EXOC6B: variants seen among roughly 807,000 people sequenced by gnomAD.
The protein encoded by EXOC6B is exocyst complex component 6B.
EXOC6B carries 54 observed loss-of-function variants against 113.5 expected under a neutral mutation model. That is an observed-to-expected ratio of 0.48 (90% confidence interval 0.38 to 0.60). The LOEUF is 0.60. EXOC6B is among the 20% of genes least tolerant of loss of function. EXOC6B has a pLI of 0.00. For missense variants in EXOC6B, 797 were observed against 977.5 expected, an observed-to-expected ratio of 0.82 and a Z score of 2.46; for synonymous variants, 357 against 339.0, an observed-to-expected ratio of 1.05 and a Z score of -0.58.
chr2:72,198,805 G>C (rs895368760), intron 20 of EXOC6B, among the ~76,000 whole-genome samples: 4 of 152,170 alleles, frequency 2.6e-5, no homozygotes, highest in Non-Finnish European at 5.9e-5. Context: ...AGCTATGCCA[G>C]TACTTACACA....
At chr2:72,516,241 C>A (rs1461042075) in intron 8 of EXOC6B, among the ~76,000 whole-genome samples, 1 of 151,906 alleles carries the variant, frequency 6.6e-6, no homozygotes, top group Non-Finnish European at 1.5e-5. Flanking sequence ...AATTCTTCTA[C>A]TTTTATTTTT....
intron 20 of EXOC6B, among the ~76,000 whole-genome samples, chr2:72,264,077 A>G (rs971526861): frequency 6.6e-6 from 1 of 152,200 alleles, no homozygotes; most frequent in African/African-American, 2.4e-5. Context: ...TGTATAAAAA[A>G]GGATAATGAA....
chr2:72,406,233 G>A (rs904012906), intron 18 of EXOC6B, among the ~76,000 whole-genome samples: 1 of 152,094 alleles, frequency 6.6e-6, no homozygotes, highest in African/African-American at 2.4e-5. Flanking sequence ...AAGAGACTTA[G>A]ACTCCCACAC....
chr2:72,422,483 G>T (rs1694949665), intron 18 of EXOC6B, among the ~76,000 whole-genome samples: 1 of 151,078 alleles, frequency 6.6e-6, no homozygotes, highest in South Asian at 2.1e-4. Context: ...AGCACCCTGT[G>T]TCTAGCTCAA....
intron 1 of EXOC6B, among the ~76,000 whole-genome samples, chr2:72,743,672 T>C (rs1196467352): frequency 6.6e-6 from 1 of 152,190 alleles, no homozygotes; most frequent in African/African-American, 2.4e-5. Flanking sequence ...GCCAGACAGG[T>C]AGTAGACAAT....
rs1680617109 is a variant in EXOC6B, at chr2:72,731,155, C to G, written c.418G>C (p.Val140Leu). 1.2e-6 allele frequency: 2 copies of G among 1,611,822 alleles called. No homozygotes were observed. Among genetic ancestry groups the G allele is most frequent in the South Asian group, 1.1e-5 (1 of 90,634 alleles). The change falls in exon 4 of 22, where the codon GTC becomes CTC. Residue 140 changes from valine to leucine, a missense_variant and splice_region_variant. By Grantham distance (32) the Val-to-Leu change is conservative. Coordinates refer to ENST00000272427, the MANE Select transcript of EXOC6B (RefSeq NM_015189.3). ...TCCTTCTCCATTTCCAGTTCCTCAC[C>G]TGGAAGACACAGCATTAATTTATCA... ...TVDKLMLCLP[V>L]LEMYSKLRDQ...
chr2:72,396,749 C>G (rs1573025003), intron 18 of EXOC6B, among the ~76,000 whole-genome samples: 1 of 151,998 alleles, frequency 6.6e-6, no homozygotes, highest in East Asian at 1.9e-4. Flanking sequence ...GCTACTCAGC[C>G]TCTTTCCTAT....
chr2:72,683,942 A>C (rs2104557133), intron 6 of EXOC6B, among the ~76,000 whole-genome samples: 1 of 152,084 alleles, frequency 6.6e-6, no homozygotes, highest in South Asian at 2.1e-4. Context: ...TTACTTACTT[A>C]TTTATTTGAG....
intron 16 of EXOC6B, among the ~76,000 whole-genome samples, chr2:72,487,600 T>C (rs990013830): frequency 1.2e-4 from 18 of 152,178 alleles, no homozygotes; most frequent in Non-Finnish European, 2.6e-4. Context: ...AGCTCGTGAT[T>C]CACCCGCCTC....
chr2:72,606,310 CAT>C (rs150351130), intron 6 of EXOC6B, among the ~76,000 whole-genome samples: 2 of 151,288 alleles, frequency 1.3e-5, no homozygotes, highest in Non-Finnish European at 3.0e-5. Flanking sequence ...ACCACCACTG[CAT>C]ATATATATAT....
Position 72,641,901 on chromosome 2 carries a change from T to A in EXOC6B, c.670-66233A>T, listed in dbSNP as rs112507445. Among the ~76,000 whole-genome samples the A allele has an allele frequency of 5.3e-5, 8 of 152,352 alleles. 1 individual carries two copies. The highest frequency in any genetic ancestry group is 1.9e-4 in the African/African-American group (8 of 41,582). ...GGCAGCAATATTTGCTGTTCTGCAG[T>A]ATTTGCTGCTCTGCAGCCTCCGCTG... is the stretch of plus-strand genomic sequence containing the variant. On this transcript the variant is annotated intron_variant, in intron 6 of 21. Coordinates refer to ENST00000272427, the MANE Select transcript of EXOC6B (RefSeq NM_015189.3).
At chr2:72,688,924 ACT>A (rs1677289892) in intron 6 of EXOC6B, among the ~76,000 whole-genome samples, 1 of 152,166 alleles carries the variant, frequency 6.6e-6, no homozygotes, top group African/African-American at 2.4e-5. Flanking sequence ...TAACCCGATC[ACT>A]CTGTATTATA....
chr2:72,378,097 T>C (rs1479357719), intron 19 of EXOC6B, among the ~76,000 whole-genome samples: 2 of 152,232 alleles, frequency 1.3e-5, no homozygotes, highest in East Asian at 1.9e-4. Context: ...AATTCCAATG[T>C]TTCCATGTAT....
rs180899090 is a variant in EXOC6B at position 72,647,860 on chromosome 2, G to A, written c.669+70243C>T. 5.9e-5 allele frequency among the ~76,000 whole-genome samples: 9 copies of A among 152,156 alleles called. No individual in the cohort carries two copies. In the East Asian group the frequency reaches 1.5e-3, roughly 26 times the overall value. Reference sequence around the variant, plus strand: ...AAACCTAGGCAATACCATTCAGGACGTAGGCATGGATAAGGACTTCATGAC... The same window carrying A: ...AAACCTAGGCAATACCATTCAGGACATAGGCATGGATAAGGACTTCATGAC... On this transcript the variant is annotated intron_variant, in intron 6 of 21. Coordinates refer to ENST00000272427, the MANE Select transcript of EXOC6B (RefSeq NM_015189.3).
At chr2:72,293,676 T>C (rs1685947914) in intron 20 of EXOC6B, among the ~76,000 whole-genome samples, 1 of 152,154 alleles carries the variant, frequency 6.6e-6, no homozygotes, top group Non-Finnish European at 1.5e-5. Context: ...TGCTATGGTG[T>C]GACTTATGGG....
At chr2:72,530,807 A>AC (rs1701963169) in intron 8 of EXOC6B, among the ~76,000 whole-genome samples, 1 of 151,940 alleles carries the variant, frequency 6.6e-6, no homozygotes, top group African/African-American at 2.4e-5. Context: ...TGATGGATTG[A>AC]CCCTTTTACC....
rs111546472 is a variant in EXOC6B at position 72,653,234 on chromosome 2, T to G, written c.669+64869A>C. Among the ~76,000 whole-genome samples, 579 of 150,724 alleles carry G rather than the reference T, an allele frequency of 3.8e-3. 4 individuals carry two copies. Among genetic ancestry groups the G allele is most frequent in the African/African-American group, 0.012 (504 of 40,952 alleles). ...TGGAATACTATGCAGCCATAAAAAATGATGAGTTCATGTCCTTTGTAGGGA... is the reference window on the plus strand; with the variant it reads ...TGGAATACTATGCAGCCATAAAAAAGGATGAGTTCATGTCCTTTGTAGGGA... On this transcript the variant is annotated intron_variant, in intron 6 of 21. Transcript: ENST00000272427.
intron 18 of EXOC6B, among the ~76,000 whole-genome samples, chr2:72,458,052 A>G (rs1050537623): frequency 2.0e-5 from 3 of 152,120 alleles, no homozygotes; most frequent in Non-Finnish European, 4.4e-5. Flanking sequence ...GAATTAAGAG[A>G]AACTGGGGAT....
intron 18 of EXOC6B, among the ~76,000 whole-genome samples, chr2:72,400,655 A>C (rs1370998043): frequency 6.6e-6 from 1 of 151,748 alleles, no homozygotes; most frequent in Non-Finnish European, 1.5e-5. Context: ...ATTCTCAAAA[A>C]AAGACATACG....
Sources: allele counts gnomAD v4.1 joint callset (sites outside exome capture counted in the v4.1 genomes callset), GRCh38; gene constraint gnomAD v4.1.1; transcripts MANE v1.5; gene names NCBI Gene and HGNC (gene_info 2026-07-23, HGNC 2026-07-21).